The following ACVR1C variants were observed in gnomAD, a reference collection of about 807,000 sequenced individuals.
ACVR1C encodes the protein activin A receptor type 1C, also known as activin receptor type-1C.
ACVR1C carries 23 observed loss-of-function variants against 57.9 expected under a neutral mutation model. The observed-to-expected ratio is 0.40, with a 90% CI of 0.29 to 0.56. The LOEUF is 0.56. Among genes scored for constraint, ACVR1C ranks in the 20% least tolerant of loss-of-function variants. ACVR1C has a pLI of 0.50. For synonymous variants in ACVR1C, 214 were observed against 215.3 expected, an observed-to-expected ratio of 0.99 and a Z score of 0.05; for missense variants, 480 against 607.9, an observed-to-expected ratio of 0.79 and a Z score of 2.21.
chr2:157,540,661 C>T (rs1417003997), intron 7 of ACVR1C, among the ~76,000 whole-genome samples: 3 of 152,144 alleles, frequency 2.0e-5, no homozygotes, highest in Non-Finnish European at 4.4e-5. Flanking sequence ...CCACCTCTTC[C>T]CATACCTTTA....
At chr2:157,550,091 T>G in intron 4 of ACVR1C, 71 bp downstream of exon 4, 1 of 1,375,952 alleles carries the variant, frequency 7.3e-7, no homozygotes, top group Non-Finnish European at 1.0e-6. Flanking sequence ...TAGACAACAT[T>G]TTTTTTTTGA....
intron 1 of ACVR1C, among the ~76,000 whole-genome samples, chr2:157,605,213 T>A (rs1260200944): frequency 6.6e-6 from 1 of 151,750 alleles, no homozygotes; most frequent in East Asian, 1.9e-4. Flanking sequence ...TATATATGGG[T>A]CTATTTCTGG....
chr2:157,535,643 C>G (rs1164440363), intron 8 of ACVR1C, among the ~76,000 whole-genome samples: 1 of 152,250 alleles, frequency 6.6e-6, no homozygotes, highest in East Asian at 1.9e-4. Context: ...GCCTGGCCAA[C>G]ATAGTGGTGC....
intron 3 of ACVR1C, among the ~76,000 whole-genome samples, chr2:157,554,285 GAGAGAGAGAGAGA>G (rs1688028333): frequency 2.4e-5 from 2 of 82,206 alleles, no homozygotes; most frequent in African/African-American, 1.3e-4. Flanking sequence ...GGAAGGAAGA[GAGAGAGAGAGAGA>G]AAGAAAGAAA....
rs60182304 is a variant in ACVR1C at position 157,599,314 on chromosome 2, C to CA, written c.74-11898dup. Among the ~76,000 whole-genome samples, 71 of 40,608 alleles carry CA rather than the reference C, an allele frequency of 1.7e-3. 9 individuals carry two copies. The highest frequency in any genetic ancestry group is 2.1e-3 in the Non-Finnish European group (51 of 24,082). The allele number at this position is 40,608 out of a possible 152,430, so 26.6% of individuals were successfully genotyped here. A position where few individuals can be genotyped will look rare whatever the true frequency, so the allele number is the denominator to read the frequency against. On this transcript the variant is annotated intron_variant, in intron 1 of 8. Transcript: ENST00000243349. ...GCGCCACTGCACTACAGCCTGGGCT[C>CA]AAAAAAAAAAAAAAAAAAAAAAAAA...
chr2:157,603,248 C>CAA (rs1682320910), intron 1 of ACVR1C, among the ~76,000 whole-genome samples: 2 of 152,128 alleles, frequency 1.3e-5, no homozygotes, highest in African/African-American at 4.8e-5. Flanking sequence ...TAAGACTAGC[C>CAA]TAGCTTGATG....
At chr2:157,594,242 CAT>C (rs966523894) in intron 1 of ACVR1C, among the ~76,000 whole-genome samples, 7 of 152,146 alleles carry the variant, frequency 4.6e-5, no homozygotes, top group African/African-American at 1.7e-4. Flanking sequence ...AGACTTTAGA[CAT>C]GTTCCCCAAT....
intron 2 of ACVR1C, among the ~76,000 whole-genome samples, chr2:157,561,688 T>A (rs557443765): frequency 7.2e-5 from 11 of 152,322 alleles, no homozygotes; most frequent in African/African-American, 2.4e-4. Context: ...TGTTAAGCAA[T>A]GAGAAATCTC....
intron 2 of ACVR1C, among the ~76,000 whole-genome samples, chr2:157,583,198 T>C (rs927411427): frequency 3.3e-5 from 5 of 152,150 alleles, no homozygotes; most frequent in African/African-American, 1.2e-4. Flanking sequence ...ATATCATAAA[T>C]AAAATAAGAG....
chr2:157,616,790 AAT>A (rs1157343512), intron 1 of ACVR1C, among the ~76,000 whole-genome samples: 1 of 152,042 alleles, frequency 6.6e-6, no homozygotes, highest in Non-Finnish European at 1.5e-5. Context: ...ATTAAGAAAG[AAT>A]ACAGTTAAAC....
In ACVR1C at chr2:157,530,679, A is replaced by G. The variant is rs1687332544; in HGVS notation, c.*3239T>C. 1 of 152,158 alleles carries G rather than the reference A, an allele frequency of 6.6e-6. No homozygotes were observed. The highest frequency in any genetic ancestry group is 1.5e-5 in the Non-Finnish European group (1 of 68,014). 9.4% of individuals were successfully genotyped at this position (152,158 alleles called of 1,614,324 possible). A position where few individuals can be genotyped will look rare whatever the true frequency, so the allele number is the denominator to read the frequency against. The stretch of plus-strand genomic sequence containing the variant: ...CATGGAAATTTAAAATGCAAAGTTA[A>G]TTGAAAGTATAAAGATGAAAAGCAA... On this transcript the variant is annotated 3_prime_UTR_variant, in exon 9 of 9. Transcript: ENST00000243349.
At chr2:157,551,297 T>C (rs938514863) in intron 3 of ACVR1C, among the ~76,000 whole-genome samples, 2 of 152,134 alleles carry the variant, frequency 1.3e-5, no homozygotes, top group South Asian at 2.1e-4. Context: ...AGAGATGATA[T>C]GAGAATTAAT....
chr2:157,627,098 T>A lies in ACVR1C; in HGVS notation c.73+1474A>T, dbSNP rs1041759757. 5.3e-5 allele frequency among the ~76,000 whole-genome samples: 8 copies of A among 152,310 alleles called. No individual in the cohort carries two copies. The East Asian group carries it at 1.5e-3, about 29-fold the overall frequency. On this transcript the variant is annotated intron_variant, in intron 1 of 8. Coordinates refer to ENST00000243349, the MANE Select transcript of ACVR1C (RefSeq NM_145259.3). Reference sequence around the variant, plus strand: ...CTACATTTTAAAAAAATTGAATCTGTTTTGTAGAAATGTGTGCAGCCAAGT... The same window carrying A: ...CTACATTTTAAAAAAATTGAATCTGATTTGTAGAAATGTGTGCAGCCAAGT...
At chr2:157,542,471 C>G (rs1179983240) in intron 6 of ACVR1C, among the ~76,000 whole-genome samples, 1 of 152,158 alleles carries the variant, frequency 6.6e-6, no homozygotes, top group Non-Finnish European at 1.5e-5. Context: ...TCCATCATTT[C>G]TCTCCACTGG....
rs1242008566 is a variant in ACVR1C, at chr2:157,528,515, T to G, written c.*5403A>C. On this transcript the variant is annotated 3_prime_UTR_variant, in exon 9 of 9. Transcript: ENST00000243349. ...CTGAAAGAGAAAAGTATGCTGGCAG[T>G]TCTATTATTGTTAGGGGAATTTTAA... is the stretch of plus-strand genomic sequence containing the variant. The G allele has an allele frequency of 6.6e-6, 1 of 152,078 alleles. No homozygotes were observed. The highest frequency in any genetic ancestry group is 1.5e-5 in the Non-Finnish European group (1 of 67,980). The allele number at this position is 152,078 out of a possible 1,614,324, so 9.4% of individuals were successfully genotyped here.
intron 8 of ACVR1C, among the ~76,000 whole-genome samples, chr2:157,537,549 T>A (rs1687519352): frequency 6.6e-6 from 1 of 151,804 alleles, no homozygotes; most frequent in East Asian, 1.9e-4. Flanking sequence ...TTGAGAAACA[T>A]GATTAAATTA....
chr2:157,599,731 T>C (rs757989071), intron 1 of ACVR1C, among the ~76,000 whole-genome samples: 9 of 152,242 alleles, frequency 5.9e-5, no homozygotes, highest in African/African-American at 1.7e-4. Flanking sequence ...ATTGTTTCCA[T>C]AGGAAATGAT....
intron 1 of ACVR1C, among the ~76,000 whole-genome samples, chr2:157,613,286 G>C (rs903361188): frequency 6.6e-6 from 1 of 152,116 alleles, no homozygotes; most frequent in South Asian, 2.1e-4. Flanking sequence ...TCTTCTTTCT[G>C]GGGAGGGTGA....
At chr2:157,534,307 C>A (rs1255665732) in intron 8 of ACVR1C, among the ~76,000 whole-genome samples, 1 of 152,052 alleles carries the variant, frequency 6.6e-6, no homozygotes, top group Non-Finnish European at 1.5e-5. Context: ...CACCGCTGTA[C>A]CTGCCATTGA....
Sources: allele counts gnomAD v4.1 joint callset (sites outside exome capture counted in the v4.1 genomes callset), GRCh38; gene constraint gnomAD v4.1.1; transcripts MANE v1.5; gene names NCBI Gene and HGNC (gene_info 2026-07-23, HGNC 2026-07-21).